The following SF3A2 variants were observed in gnomAD, a reference collection of about 807,000 sequenced individuals.
SF3A2 encodes splicing factor 3a subunit 2.
Under a neutral mutation model 31.1 loss-of-function variants are expected in SF3A2, and 5 were observed. The ratio of observed to expected loss-of-function variants is 0.16; its 90% CI spans 0.08 to 0.34. SF3A2 has a LOEUF of 0.34. Ranked by LOEUF, SF3A2 falls within the 10% of genes least tolerant of loss-of-function variation. The pLI is 1.00. For synonymous variants in SF3A2, 365 were observed against 263.7 expected (o/e 1.38, Z -3.72); for missense variants, 577 against 643.9 (o/e 0.90, Z 1.13).
Position 2,236,890 on chromosome 19 carries a change from C to G in SF3A2, c.-49C>G, listed in dbSNP as rs1170797786. 6.6e-6 allele frequency: 1 copy of G among 152,176 alleles called. No homozygotes were observed. The highest frequency in any genetic ancestry group is 1.5e-5 in the Non-Finnish European group (1 of 68,036). The allele number at this position is 152,176 out of a possible 1,614,324, so 9.4% of individuals were successfully genotyped here. On this transcript the variant is annotated 5_prime_UTR_variant, in exon 1 of 9. Coordinates refer to ENST00000221494, the MANE Select transcript of SF3A2 (RefSeq NM_007165.5). The stretch of plus-strand genomic sequence containing the variant: ...GCGAAACGAGGAGGAGATAACGCGG[C>G]CTTGGGCTCTGGTGAGGAGTAGAGG...
chr19:2,240,931 T>C (rs1314896073), intron 1 of SF3A2, among the ~76,000 whole-genome samples: 1 of 152,238 alleles, frequency 6.6e-6, no homozygotes, highest in African/African-American at 2.4e-5. Flanking sequence ...GCTCCGCTCC[T>C]CCTGGGCCCT....
rs914674518 is a variant in SF3A2 at position 2,239,652 on chromosome 19, T to C, written c.-38+2751T>C. ...TTTTTGTTTTTAATTTTCTTGCTAA[T>C]GTTCTTATGTTATTTCTGTGATAAT... On this transcript the variant is annotated intron_variant, in intron 1 of 8. Transcript: ENST00000221494. 1.1e-4 allele frequency among the ~76,000 whole-genome samples: 17 copies of C among 152,318 alleles called. 1 individual carries two copies. The South Asian group carries it at 2.9e-3, about 26-fold the overall frequency.
chr19:2,247,679 G>A lies in SF3A2; in HGVS notation c.615+17G>A, dbSNP rs376426960. On this transcript the variant is annotated intron_variant, in intron 8 of 8. Transcript: ENST00000221494. ...ACCAAGCAGGTGAGTGGCTCGCCCCGAGCCTGGCTCCTTCCCACCCAGCCC... is the reference window on the plus strand; with the variant it reads ...ACCAAGCAGGTGAGTGGCTCGCCCCAAGCCTGGCTCCTTCCCACCCAGCCC... 7.4e-6 allele frequency: 12 copies of A among 1,612,358 alleles called. No individual in the cohort carries two copies. Among genetic ancestry groups the A allele is most frequent in the East Asian group, 6.7e-5 (3 of 44,862 alleles).
In SF3A2 at chr19:2,248,388, G is replaced by C. The variant is rs1599134991; in HGVS notation, c.1237G>C (p.Gly413Arg). The change falls in exon 9 of 9, where the codon GGG becomes CGG. Residue 413 changes from glycine to arginine, a missense_variant. By Grantham distance (125) the Gly-to-Arg change is moderately radical. Coordinates refer to ENST00000221494, the MANE Select transcript of SF3A2 (RefSeq NM_007165.5). ...QAPGVHPQPP[G>R]VHPSAPGVHP... ...CCCGGGGGTCCACCCCCAACCTCCC[G>C]GGGTCCATCCGTCGGCTCCTGGGGT... is the stretch of plus-strand genomic sequence containing the variant. 2 of 1,362,472 alleles carry C rather than the reference G, an allele frequency of 1.5e-6. No homozygotes were observed. Among genetic ancestry groups the C allele is most frequent in the Non-Finnish European group, 9.4e-7 (1 of 1,066,214 alleles). 84.4% of individuals were successfully genotyped at this position (1,362,472 alleles called of 1,614,324 possible).
chr19:2,242,297 C>G (rs760282903), intron 1 of SF3A2, among the ~76,000 whole-genome samples: 1 of 152,360 alleles, frequency 6.6e-6, no homozygotes, highest in South Asian at 2.1e-4. Context: ...GTTCTGGGGT[C>G]AGAGTCCAAA....
At chr19:2,244,434 AG>A (rs2024915146) in intron 2 of SF3A2, 109 bp from the exon 3 acceptor site, 3 of 811,248 alleles carry the variant, frequency 3.7e-6, no homozygotes, top group Non-Finnish European at 6.2e-6. Context: ...CCTCTACAGA[AG>A]GGGGGTTCTG....
chr19:2,245,641 T>A lies in SF3A2; in HGVS notation c.355+86T>A. ...GTCTCCAGTGCGGGAGGTGCAGCCC[T>A]GATAGCCTCCTCCCTGAGCCACTGT... On this transcript the variant is annotated intron_variant, in intron 5 of 8. Coordinates refer to ENST00000221494, the MANE Select transcript of SF3A2 (RefSeq NM_007165.5). The surrounding 1 kb of genome is among the most constrained non-coding windows in gnomAD (Gnocchi z 4.2). 1.0e-6 allele frequency: 1 copy of A among 966,406 alleles called. No homozygotes were observed. Among genetic ancestry groups the A allele is most frequent in the Non-Finnish European group, 1.6e-6 (1 of 618,540 alleles). 59.9% of individuals were successfully genotyped at this position (966,406 alleles called of 1,614,324 possible).
Position 2,248,531 on chromosome 19 carries a change from T to TC in SF3A2, c.1385dup (p.Thr463AsnfsTer?). 1 of 978,178 alleles carries TC rather than the reference T, an allele frequency of 1.0e-6. No homozygotes were observed. The highest frequency in any genetic ancestry group is 1.3e-6 in the Non-Finnish European group (1 of 769,946). 60.6% of individuals were successfully genotyped at this position (978,178 alleles called of 1,614,324 possible). A position where few individuals can be genotyped will look rare whatever the true frequency, so the allele number is the denominator to read the frequency against. On this transcript the variant is annotated frameshift_variant, in exon 9 of 9. Coordinates refer to ENST00000221494, the MANE Select transcript of SF3A2 (RefSeq NM_007165.5). LOFTEE classifies it high-confidence loss of function. Reference sequence around the variant, plus strand: ...AAGGCCCAGGGAACATACCTCCCCCTCCCCCAACCAACTGAGAAGCTGCTC... The same window carrying TC: ...AAGGCCCAGGGAACATACCTCCCCCTCCCCCCAACCAACTGAGAAGCTGCTC...
chr19:2,248,207 AC>A lies in SF3A2; in HGVS notation c.1058del (p.Pro353GlnfsTer93). On this transcript the variant is annotated frameshift_variant, in exon 9 of 9. Transcript: ENST00000221494. LOFTEE classifies it low-confidence loss of function (END_TRUNC). ...VHPPAPGVHP[P>X]APGVHPPAPG... ...ACCCACCAGCCCCCGGAGTCCACCC[AC>A]CAGCCCCTGGGGTTCACCCACCAGC... 1.9e-6 allele frequency: 2 copies of A among 1,059,910 alleles called. No individual in the cohort carries two copies. The highest frequency in any genetic ancestry group is 1.2e-6 in the Non-Finnish European group (1 of 849,750). The allele number at this position is 1,059,910 out of a possible 1,614,324, so 65.7% of individuals were successfully genotyped here.
chr19:2,241,345 G>A (rs2024887334), intron 1 of SF3A2, among the ~76,000 whole-genome samples: 1 of 152,208 alleles, frequency 6.6e-6, no homozygotes, highest in Non-Finnish European at 1.5e-5. Context: ...GATGCGTGGA[G>A]GACTGTGGTT....
intron 1 of SF3A2, among the ~76,000 whole-genome samples, chr19:2,240,323 G>C (rs984364742): frequency 6.6e-6 from 1 of 152,224 alleles, no homozygotes; most frequent in East Asian, 1.9e-4. Context: ...GCTCTGCTGG[G>C]CCTGTCTCTC....
chr19:2,247,396 C>T (rs1210273088), intron 7 of SF3A2, among the ~76,000 whole-genome samples, 198 bp from the exon 8 acceptor site: 1 of 152,168 alleles, frequency 6.6e-6, no homozygotes, highest in Non-Finnish European at 1.5e-5. Flanking sequence ...AGGGAGGGGG[C>T]CAACAGCGTG....
Position 2,248,072 on chromosome 19 carries a change from C to T in SF3A2, c.921C>T (p.Gly307=). ...CTGGGGTCCATCCCCCAGCTCCTGG[C>T]GTCCACCCCCCAGCTCCTGGCGTCC... ...PASGVHPPAP[G]VHPPAPGVHP... is the part of the protein sequence containing the mutation. Residue 307 remains glycine, a synonymous_variant, in exon 9 of 9, where the codon GGC becomes GGT. Coordinates refer to ENST00000221494, the MANE Select transcript of SF3A2 (RefSeq NM_007165.5). 1.1e-5 allele frequency: 10 copies of T among 903,730 alleles called. No individual in the cohort carries two copies. Among genetic ancestry groups the T allele is most frequent in the East Asian group, 2.7e-5 (1 of 37,248 alleles). 56.0% of individuals were successfully genotyped at this position (903,730 alleles called of 1,614,324 possible). A position where few individuals can be genotyped will look rare whatever the true frequency, so the allele number is the denominator to read the frequency against.
Position 2,245,247 on chromosome 19 carries a change from T to C in SF3A2, c.246-199T>C. On this transcript the variant is annotated intron_variant, in intron 4 of 8. Coordinates refer to ENST00000221494, the MANE Select transcript of SF3A2 (RefSeq NM_007165.5). This position sits in a 1 kb window ranked among gnomAD's most constrained non-coding sequence, Gnocchi z 4.2. The stretch of plus-strand genomic sequence containing the variant: ...TTGGAAGGGCCCCAGCCAGGGACAG[T>C]GAGGAGCATGACAGGAAGAGAACAT... The C allele has an allele frequency of 3.6e-6, 2 of 549,308 alleles. No individual in the cohort carries two copies. Among genetic ancestry groups the C allele is most frequent in the Non-Finnish European group, 6.4e-6 (2 of 312,048 alleles). 34.0% of individuals were successfully genotyped at this position (549,308 alleles called of 1,614,324 possible).
At chr19:2,247,514 C>T (rs1369984241) in intron 7 of SF3A2, 80 bp from the exon 8 acceptor site, 6 of 1,444,772 alleles carry the variant, frequency 4.2e-6, no homozygotes, top group Middle Eastern at 1.8e-4. Context: ...GCTGGGGAGG[C>T]TAGTGCCTCG....
Position 2,245,202 on chromosome 19 carries a change from AGAGC to A in SF3A2, c.246-243_246-240del. 1 of 500,656 alleles carries A rather than the reference AGAGC, an allele frequency of 2.0e-6. No homozygotes were observed. 31.0% of individuals were successfully genotyped at this position (500,656 alleles called of 1,614,324 possible). A position where few individuals can be genotyped will look rare whatever the true frequency, so the allele number is the denominator to read the frequency against. ...CTTGTCTTATTAAAAAAAAAAAAAAAGAGCAGAGGCATGGAGTTGTTGGAAGGGC... is the reference window on the plus strand; with the variant it reads ...CTTGTCTTATTAAAAAAAAAAAAAAAAGAGGCATGGAGTTGTTGGAAGGGC... On this transcript the variant is annotated intron_variant, in intron 4 of 8. Coordinates refer to ENST00000221494, the MANE Select transcript of SF3A2 (RefSeq NM_007165.5). The surrounding 1 kb of genome is among the most constrained non-coding windows in gnomAD (Gnocchi z 4.2).
At chr19:2,243,984 C>T (rs1023348810) in intron 2 of SF3A2, among the ~76,000 whole-genome samples, 4 of 152,324 alleles carry the variant, frequency 2.6e-5, no homozygotes, top group South Asian at 2.1e-4. Context: ...GCTCTGTTAC[C>T]GTCCCCGTCT....
chr19:2,244,234 G>A (rs1007501301), intron 2 of SF3A2, among the ~76,000 whole-genome samples: 14 of 152,156 alleles, frequency 9.2e-5, no homozygotes. Flanking sequence ...GGGAGTGACC[G>A]GCGGTGCTGT....
chr19:2,244,336 C>T (rs1296039140), intron 2 of SF3A2, among the ~76,000 whole-genome samples: 1 of 152,174 alleles, frequency 6.6e-6, no homozygotes, highest in East Asian at 1.9e-4. Flanking sequence ...TGGCCCACAG[C>T]CCCAGGTGGT....
Sources: gnomAD v4.1 joint callset for allele counts (sites outside exome capture counted in the v4.1 genomes callset) on GRCh38, gnomAD v4.1.1 for gene constraint, Gnocchi (gnomAD v3.1) non-coding constraint, MANE v1.5 for transcripts, NCBI Gene and HGNC (gene_info 2026-07-23, HGNC 2026-07-21) for gene names.